The following ASH1L variants were observed in gnomAD, a reference collection of about 807,000 sequenced individuals.
The protein encoded by ASH1L is histone-lysine N-methyltransferase ASH1L.
In ASH1L, 23 loss-of-function variants were observed where a neutral mutation model predicts 269.0. That is an observed-to-expected ratio of 0.09 (90% CI 0.06 to 0.12). ASH1L has a LOEUF of 0.12. ASH1L is among the 10% of genes least tolerant of loss of function. The pLI, the probability that ASH1L is intolerant of heterozygous loss-of-function variation, is 1.00. For missense variants in ASH1L, 2,912 were observed against 3,567.8 expected (o/e 0.82, Z 4.68); for synonymous variants, 1,187 against 1,253.5 (o/e 0.95, Z 1.12).
At chr1:155,494,104 A>C (rs1666991428) in intron 2 of ASH1L, among the ~76,000 whole-genome samples, 1 of 152,206 alleles carries the variant, frequency 6.6e-6, no homozygotes, top group Non-Finnish European at 1.5e-5. Context: ...CCAGGGATGG[A>C]AAGAATTTAC....
intron 2 of ASH1L, among the ~76,000 whole-genome samples, chr1:155,506,009 C>T (rs1280317095): frequency 1.3e-5 from 2 of 151,628 alleles, no homozygotes; most frequent in Non-Finnish European, 2.9e-5. Flanking sequence ...CCACGACAGG[C>T]CCCGATGTGT....
intron 3 of ASH1L, among the ~76,000 whole-genome samples, chr1:155,474,294 G>C (rs1214890811): frequency 6.6e-6 from 1 of 152,124 alleles, no homozygotes; most frequent in Non-Finnish European, 1.5e-5. Flanking sequence ...CAAATACTCA[G>C]AGGAAATGCT....
chr1:155,484,955 A>C (rs1280279127), intron 2 of ASH1L, among the ~76,000 whole-genome samples: 102 of 140,908 alleles, frequency 7.2e-4, no homozygotes, highest in Admixed American at 6.3e-3. Context: ...AAAAACAAAA[A>C]CAAAAACAAA....
chr1:155,514,651 G>A (rs1233257384), intron 2 of ASH1L, among the ~76,000 whole-genome samples: 3 of 152,104 alleles, frequency 2.0e-5, no homozygotes, highest in South Asian at 2.1e-4. Context: ...AAGCAGTGGA[G>A]ACGATTTGCA....
chr1:155,344,206 C>T lies in ASH1L; in HGVS notation c.7958G>A (p.Arg2653Gln), dbSNP rs762285533. 1.2e-6 allele frequency: 2 copies of T among 1,613,958 alleles called. No individual in the cohort carries two copies. Among genetic ancestry groups the T allele is most frequent in the African/African-American group, 1.3e-5 (1 of 74,886 alleles). Residue 2653 changes from arginine (R) to glutamine (Q), a missense_variant, in exon 22 of 28, where the codon CGA (arginine) becomes CAA (glutamine). Around this residue, in one of 13 missense-constraint regions of ASH1L, gnomAD observed 179 missense variants for 293.8 expected, o/e 0.61. Coordinates refer to ENST00000392403, the MANE Select transcript of ASH1L (RefSeq NM_018489.3). ...PGCVYFICLL[R>Q]DDLLLRQGDC... ...ACCCTGACGAAGCAGCAAGTCATCT[C>T]GGAGCAAACAGATGAAGTAGACACA...
chr1:155,538,663 T>A (rs1468226694), intron 1 of ASH1L, among the ~76,000 whole-genome samples: 16 of 132,624 alleles, frequency 1.2e-4, no homozygotes, highest in Admixed American at 1.1e-3. Context: ...TTTTTTTTTT[T>A]AATAAAGACG....
At chr1:155,516,498 G>A (rs1482104375) in intron 2 of ASH1L, among the ~76,000 whole-genome samples, 1 of 152,108 alleles carries the variant, frequency 6.6e-6, no homozygotes, top group Non-Finnish European at 1.5e-5. Context: ...AAACCTACAT[G>A]CCAAAATCAG....
rs1232183617 is a variant in ASH1L at position 155,382,690 on chromosome 1, CCT to C, written c.6104-2576_6104-2575del. 5.9e-5 allele frequency among the ~76,000 whole-genome samples: 9 copies of C among 152,000 alleles called. No homozygotes were observed. In the South Asian group the frequency reaches 8.3e-4, roughly 14 times the overall value. On this transcript the variant is annotated intron_variant, in intron 7 of 27. Coordinates refer to ENST00000392403, the MANE Select transcript of ASH1L (RefSeq NM_018489.3). ...AAACAGTGATATTGATGATCTTGCC[CCT>C]GAGTGGGCCTAGGCTAATGTGGGTT...
intron 6 of ASH1L, among the ~76,000 whole-genome samples, chr1:155,401,071 G>C (rs1339979773): frequency 1.3e-5 from 2 of 152,092 alleles, no homozygotes; most frequent in Non-Finnish European, 2.9e-5. Context: ...TGAGGCACGA[G>C]AATCATTTGA....
At position 155,370,988 on chromosome 1, in the gene ASH1L, A is replaced by G. The variant is rs1299439996; in HGVS notation, c.6333-5T>C. On this transcript the variant is annotated splice_polypyrimidine_tract_variant and splice_region_variant and intron_variant, in intron 10 of 27. Transcript: ENST00000392403. ...GAACACTCAGCAAAGATCATTCTAG[A>G]AAAAAAAGGAATAACTGTACATCAA... 6.2e-7 allele frequency: 1 copy of G among 1,611,204 alleles called. No homozygotes were observed. Among genetic ancestry groups the G allele is most frequent in the East Asian group, 2.2e-5 (1 of 44,850 alleles).
chr1:155,562,113 G>A (rs750145764), intron 1 of ASH1L, 40 bp downstream of exon 1: 33 of 1,301,082 alleles, frequency 2.5e-5, no homozygotes, highest in Non-Finnish European at 3.1e-5. Context: ...CGCTGAGAGA[G>A]TGCTTAGGCC....
At chr1:155,391,594 G>A (rs2148475011) in intron 7 of ASH1L, among the ~76,000 whole-genome samples, 1 of 152,144 alleles carries the variant, frequency 6.6e-6, no homozygotes, top group African/African-American at 2.4e-5. Flanking sequence ...AGTAATTTTG[G>A]ATTGAATTAT....
At chr1:155,460,710 G>C (rs67581023) in intron 3 of ASH1L, among the ~76,000 whole-genome samples, 7,023 of 152,154 alleles carry the variant, frequency 0.046, 188 homozygotes, top group Middle Eastern at 0.082. Context: ...GCAAATTCTA[G>C]AAAAACTGGT....
At chr1:155,419,329 G>C (rs1660482445) in intron 5 of ASH1L, 1 of 151,116 alleles carries the variant, frequency 6.6e-6, no homozygotes, top group Non-Finnish European at 1.5e-5. Flanking sequence ...GTTAAAAGGA[G>C]AGGCAAAGGG....
chr1:155,427,793 C>A (rs1661274260), intron 5 of ASH1L, among the ~76,000 whole-genome samples: 1 of 152,114 alleles, frequency 6.6e-6, no homozygotes, highest in South Asian at 2.1e-4. Flanking sequence ...AATGTAATCA[C>A]CAATATTGGT....
chr1:155,518,269 A>C (rs1668632061), intron 2 of ASH1L, among the ~76,000 whole-genome samples: 1 of 152,172 alleles, frequency 6.6e-6, no homozygotes, highest in Non-Finnish European at 1.5e-5. Context: ...TAAACATAAG[A>C]GCTAAAACGA....
In ASH1L at chr1:155,480,899, A is replaced by G. The variant is rs750343574; in HGVS notation, c.1971T>C (p.Thr657=). 2.5e-6 allele frequency: 4 copies of G among 1,613,956 alleles called. No individual in the cohort carries two copies. Among genetic ancestry groups the G allele is most frequent in the East Asian group, 2.2e-5 (1 of 44,888 alleles). The change falls in exon 3 of 28, where the codon ACT becomes ACC. Residue 657 remains threonine (T), a synonymous_variant. Transcript: ENST00000392403. ...SSSLGKKPSL[T]SESSIHTITP... Reference sequence around the variant, plus strand: ...TAATAGTATGAATGCTGGATTCAGAAGTCAAACTTGGCTTTTTTCCAAGGG... The same window carrying G: ...TAATAGTATGAATGCTGGATTCAGAGGTCAAACTTGGCTTTTTTCCAAGGG...
chr1:155,373,319 G>A (rs930117296), intron 10 of ASH1L, among the ~76,000 whole-genome samples: 4 of 151,252 alleles, frequency 2.6e-5, no homozygotes, highest in Non-Finnish European at 4.4e-5. Context: ...ACAGGGTCTC[G>A]CTCTGTCACC....
chr1:155,341,912 T>C lies in ASH1L; in HGVS notation c.8460+24A>G, dbSNP rs758196358. On this transcript the variant is annotated intron_variant, in intron 25 of 27. Coordinates refer to ENST00000392403, the MANE Select transcript of ASH1L (RefSeq NM_018489.3). The stretch of plus-strand genomic sequence containing the variant: ...TGAACCAGATTGTCCTAACATGTAG[T>C]GTTAAGAAAGGAAGGAGACTCACCG... The C allele has an allele frequency of 1.7e-5, 28 of 1,611,858 alleles. No homozygotes were observed. In the South Asian group the frequency reaches 2.3e-4, roughly 13 times the overall value.
Sources: allele counts gnomAD v4.1 joint callset (sites outside exome capture counted in the v4.1 genomes callset), GRCh38; gene constraint gnomAD v4.1.1; regional missense constraint gnomAD v4.1.1; transcripts MANE v1.5; gene names NCBI Gene and HGNC (gene_info 2026-07-23, HGNC 2026-07-21).